Variants in PRKG1 observed in about 807,000 individuals in gnomAD.
PRKG1 encodes cGMP-dependent protein kinase 1.
Under a neutral mutation model 88.1 loss-of-function variants are expected in PRKG1, and 35 were observed. The observed-to-expected ratio is 0.40, with a 90% CI of 0.30 to 0.53. The LOEUF is 0.53. PRKG1 is among the 20% of genes least tolerant of loss of function. The pLI, the probability that PRKG1 is intolerant of heterozygous loss-of-function variation, is 0.59. For missense variants in PRKG1, 540 were observed against 839.8 expected (o/e 0.64, Z 4.41); for synonymous variants, 303 against 292.5 (o/e 1.04, Z -0.37).
At position 51,881,197 on chromosome 10, in the gene PRKG1, T is replaced by G. The variant is rs1326255533; in HGVS notation, c.699-26310T>G. Among the ~76,000 whole-genome samples, 7 of 152,232 alleles carry G rather than the reference T, an allele frequency of 4.6e-5. No individual in the cohort carries two copies. The East Asian group carries it at 1.3e-3, about 29-fold the overall frequency. ...AGGGGAGAGGGCTGAAAGTTAAGAT[T>G]AGAGACATCAACGGGAAGATCATAC... On this transcript the variant is annotated intron_variant, in intron 4 of 17. Coordinates refer to ENST00000373980, the MANE Select transcript of PRKG1 (RefSeq NM_006258.4).
intron 2 of PRKG1, among the ~76,000 whole-genome samples, chr10:51,295,626 C>A (rs10996641): frequency 6.6e-6 from 1 of 150,600 alleles, no homozygotes; most frequent in Non-Finnish European, 1.5e-5. Context: ...CATTCTATTC[C>A]GATTTCCTTT....
intron 1 of PRKG1, among the ~76,000 whole-genome samples, chr10:51,120,575 A>T (rs1845237413): frequency 6.6e-6 from 1 of 152,118 alleles, no homozygotes; most frequent in Non-Finnish European, 1.5e-5. Context: ...TCTCAAGCAC[A>T]TGTAGAGGAG....
chr10:52,016,422 T>A (rs1845042044), intron 5 of PRKG1, among the ~76,000 whole-genome samples: 1 of 152,132 alleles, frequency 6.6e-6, no homozygotes, highest in Non-Finnish European at 1.5e-5. Flanking sequence ...GCCCCCATGA[T>A]CCAGTCACCT....
At chr10:51,698,899 A>G (rs764007054) in intron 3 of PRKG1, 2 of 1,612,040 alleles carry the variant, frequency 1.2e-6, no homozygotes, top group South Asian at 2.2e-5. Flanking sequence ...GCCCAGGGCC[A>G]GGGCCAGGGC....
intron 5 of PRKG1, among the ~76,000 whole-genome samples, chr10:51,974,204 A>C (rs552944583): frequency 6.6e-6 from 1 of 152,228 alleles, no homozygotes; most frequent in East Asian, 1.9e-4. Flanking sequence ...TTTCTTGAGC[A>C]TATTGCTACC....
chr10:51,802,405 T>C (rs1014250150), intron 3 of PRKG1, among the ~76,000 whole-genome samples: 2 of 152,162 alleles, frequency 1.3e-5, no homozygotes, highest in Non-Finnish European at 2.9e-5. Flanking sequence ...AACCAAAAAG[T>C]AAAATGAAAT....
chr10:51,102,688 G>C (rs1052903367), intron 1 of PRKG1, among the ~76,000 whole-genome samples: 5 of 152,152 alleles, frequency 3.3e-5, no homozygotes, highest in African/African-American at 1.2e-4. Flanking sequence ...AACACACTAG[G>C]TAGATCAGTC....
intron 2 of PRKG1, among the ~76,000 whole-genome samples, chr10:51,412,750 A>G (rs1329595083): frequency 6.6e-6 from 1 of 152,166 alleles, no homozygotes; most frequent in Non-Finnish European, 1.5e-5. Flanking sequence ...ACTTACTGAG[A>G]AACGGCTGAG....
chr10:51,119,829 T>G (rs771126162), intron 1 of PRKG1, among the ~76,000 whole-genome samples: 1 of 152,078 alleles, frequency 6.6e-6, no homozygotes, highest in Non-Finnish European at 1.5e-5. Flanking sequence ...AAATAATTAA[T>G]TTTTTAGTCA....
intron 3 of PRKG1, among the ~76,000 whole-genome samples, chr10:51,582,489 C>T (rs548023267): frequency 6.6e-6 from 1 of 152,102 alleles, no homozygotes; most frequent in African/African-American, 2.4e-5. Context: ...CCCACCCTCC[C>T]TGACCCTCCC....
At chr10:51,698,225 G>C in intron 3 of PRKG1, 1 of 1,613,988 alleles carries the variant, frequency 6.2e-7, no homozygotes, top group South Asian at 1.1e-5. Flanking sequence ...GGTTTCCATC[G>C]CACAGGTCTC....
Position 51,495,295 on chromosome 10 carries a change from A to G in PRKG1, c.592+27459A>G, listed in dbSNP as rs533244702. On this transcript the variant is annotated intron_variant, in intron 3 of 17. Transcript: ENST00000373980. Reference sequence around the variant, plus strand: ...ATTTTTAGTAGAGATGTGTTTCACCATGTTGGTCAGGCTGGTCTTAGACGC... The same window carrying G: ...ATTTTTAGTAGAGATGTGTTTCACCGTGTTGGTCAGGCTGGTCTTAGACGC... Among the ~76,000 whole-genome samples the G allele has an allele frequency of 2.8e-4, 43 of 152,200 alleles. No homozygotes were observed. In the South Asian group the frequency reaches 4.8e-3, roughly 17 times the overall value.
chr10:52,080,424 G>A (rs953879547), intron 7 of PRKG1, among the ~76,000 whole-genome samples: 4 of 151,796 alleles, frequency 2.6e-5, no homozygotes, highest in African/African-American at 9.7e-5. Context: ...AACATATGTT[G>A]AATTATTTTG....
intron 3 of PRKG1, among the ~76,000 whole-genome samples, chr10:51,743,777 T>G: frequency 7.2e-6 from 1 of 139,130 alleles, no homozygotes; most frequent in East Asian, 2.0e-4. Flanking sequence ...TAGTTGCCTA[T>G]TTGGTATTAC....
At chr10:51,298,560 C>T (rs1840784016) in intron 2 of PRKG1, among the ~76,000 whole-genome samples, 7 of 152,144 alleles carry the variant, frequency 4.6e-5, no homozygotes, top group Admixed American at 4.6e-4. Flanking sequence ...TTACTTCTCT[C>T]CTTTTCTGGA....
At chr10:51,634,087 G>A (rs1437291797) in intron 3 of PRKG1, among the ~76,000 whole-genome samples, 1 of 152,060 alleles carries the variant, frequency 6.6e-6, no homozygotes, top group Admixed American at 6.5e-5. Flanking sequence ...CTTGGAGAAG[G>A]AAGGCAAGAT....
intron 4 of PRKG1, among the ~76,000 whole-genome samples, chr10:51,815,530 G>A (rs1316711456): frequency 3.3e-5 from 5 of 152,184 alleles, no homozygotes; most frequent in East Asian, 3.9e-4. Context: ...AAAAAATCCT[G>A]CTGAGGTGCA....
At chr10:51,125,079 A>G (rs1845362773) in intron 1 of PRKG1, among the ~76,000 whole-genome samples, 1 of 152,190 alleles carries the variant, frequency 6.6e-6, no homozygotes, top group South Asian at 2.1e-4. Flanking sequence ...GCAATTTGGA[A>G]GGCCAAGGCA....
At chr10:51,424,947 G>GC (rs1838532226) in intron 2 of PRKG1, among the ~76,000 whole-genome samples, 1 of 152,038 alleles carries the variant, frequency 6.6e-6, no homozygotes, top group South Asian at 2.1e-4. Context: ...TTTCCTGATT[G>GC]ATTCTTTAAT....
Sources: allele counts gnomAD v4.1 joint callset (sites outside exome capture counted in the v4.1 genomes callset), GRCh38; gene constraint gnomAD v4.1.1; transcripts MANE v1.5; gene names NCBI Gene and HGNC (gene_info 2026-07-23, HGNC 2026-07-21).